Variants in TMC7 observed in about 807,000 individuals in gnomAD.
TMC7 encodes transmembrane channel-like protein 7.
TMC7 carries 54 observed loss-of-function variants against 82.9 expected under a neutral mutation model. That is an observed-to-expected ratio of 0.65 (90% CI 0.52 to 0.82). The LOEUF (loss-of-function observed/expected upper bound fraction) is 0.82, where lower values mean the gene tolerates loss of function less well. Among genes scored for constraint, TMC7 ranks in the 40% least tolerant of loss-of-function variants. The pLI is 0.00. For missense variants in TMC7, 820 were observed against 901.2 expected, an observed-to-expected ratio of 0.91 and a Z score of 1.15; for synonymous variants, 350 against 337.9, an observed-to-expected ratio of 1.04 and a Z score of -0.39.
At chr16:18,986,904 A>T (rs544085763) in intron 1 of TMC7, among the ~76,000 whole-genome samples, 108 of 151,480 alleles carry the variant, frequency 7.1e-4, no homozygotes, top group Non-Finnish European at 1.4e-3. Flanking sequence ...TCCCGGGTTC[A>T]TGCCATTCTC....
At chr16:19,050,292 G>A (rs913446986) in intron 12 of TMC7, among the ~76,000 whole-genome samples, 30 of 141,014 alleles carry the variant, frequency 2.1e-4, no homozygotes, top group African/African-American at 7.2e-4. Flanking sequence ...GCATGAATCC[G>A]GGAGGCGGAG....
rs1961554640 is a variant in TMC7 at position 19,051,827 on chromosome 16, C to T, written c.1871+11C>T. 3.1e-6 allele frequency: 5 copies of T among 1,613,546 alleles called. No homozygotes were observed. The East Asian group carries it at 1.1e-4, about 36-fold the overall frequency. On this transcript the variant is annotated intron_variant, in intron 13 of 15. Coordinates refer to ENST00000304381, the MANE Select transcript of TMC7 (RefSeq NM_024847.4). ...AATCAGCATATCACGGTAAATGTGA[C>T]TTTGTTTTCTAGAACATTTCATTGC...
At chr16:19,007,358 C>G (rs953946922) in intron 1 of TMC7, among the ~76,000 whole-genome samples, 1 of 152,166 alleles carries the variant, frequency 6.6e-6, no homozygotes, top group Admixed American at 6.6e-5. Context: ...TTGGTTAAAG[C>G]AAGCACAGGT....
chr16:19,045,218 C>T, intron 10 of TMC7, 123 bp from the exon 11 acceptor site: 3 of 887,230 alleles, frequency 3.4e-6, no homozygotes, highest in Non-Finnish European at 5.5e-6. Flanking sequence ...TTTGCATCAG[C>T]TGATGCCCTC....
rs1343681974 is a variant in TMC7 at position 19,044,966 on chromosome 16, T to C, written c.1420T>C (p.Cys474Arg). ...SKITSCDDDT[C>R]DLCGYNQKLY... ...GATCACATCCTGTGATGATGACACA[T>C]GTGACCTTTGCGGCTACAACCAGAA... Residue 474 changes from cysteine to arginine, a missense_variant, in exon 10 of 16, where the codon TGT (cysteine) becomes CGT (arginine). By Grantham distance (180) the Cys-to-Arg change is radical (BLOSUM62 -3). Around this residue, in one of 2 missense-constraint regions of TMC7, gnomAD observed 650 missense variants for 669.9 expected, o/e 0.97. Transcript: ENST00000304381. 2.5e-6 allele frequency: 4 copies of C among 1,613,920 alleles called. No homozygotes were observed. The highest frequency in any genetic ancestry group is 3.4e-6 in the Non-Finnish European group (4 of 1,179,982).
intron 1 of TMC7, among the ~76,000 whole-genome samples, chr16:19,008,651 G>A (rs1418941697): frequency 1.3e-5 from 2 of 152,184 alleles, no homozygotes; most frequent in Non-Finnish European, 2.9e-5. Flanking sequence ...GGCCAGCCCA[G>A]ATCCCATGAA....
At chr16:18,987,034 T>C (rs1341931441) in intron 1 of TMC7, among the ~76,000 whole-genome samples, 1 of 152,152 alleles carries the variant, frequency 6.6e-6, no homozygotes, top group African/African-American at 2.4e-5. Context: ...CTCGATCTCC[T>C]GACCTCGTGA....
intron 1 of TMC7, among the ~76,000 whole-genome samples, chr16:18,997,366 G>A (rs933136728): frequency 1.3e-5 from 2 of 151,892 alleles, no homozygotes; most frequent in African/African-American, 4.8e-5. Context: ...ATGAGCCACC[G>A]TGCCTGGCCT....
At chr16:19,039,610 G>T (rs545254035) in intron 8 of TMC7, among the ~76,000 whole-genome samples, 1 of 152,168 alleles carries the variant, frequency 6.6e-6, no homozygotes, top group Non-Finnish European at 1.5e-5. Context: ...TTTTATTGCG[G>T]ATGGCTATAT....
chr16:19,011,377 G>A (rs1468296872), intron 2 of TMC7, among the ~76,000 whole-genome samples: 2 of 151,996 alleles, frequency 1.3e-5, no homozygotes, highest in African/African-American at 4.8e-5. Context: ...TAGCATAAAT[G>A]CATTAGAAAG....
chr16:19,002,516 C>T (rs749681315), intron 1 of TMC7, among the ~76,000 whole-genome samples: 14 of 151,880 alleles, frequency 9.2e-5, no homozygotes, highest in Non-Finnish European at 1.9e-4. Context: ...GGATTACAGG[C>T]GTGAGCCACA....
In TMC7 at chr16:19,062,092, A is replaced by T. The variant is rs1343560158; in HGVS notation, c.*249A>T. ...GGCCACTCTGTGACAACTCTACCAA[A>T]AACCAACAAGCCATTCAAGCTTTTA... On this transcript the variant is annotated 3_prime_UTR_variant, in exon 16 of 16. Coordinates refer to ENST00000304381, the MANE Select transcript of TMC7 (RefSeq NM_024847.4). 3 of 411,184 alleles carry T rather than the reference A, an allele frequency of 7.3e-6. No homozygotes were observed. Among genetic ancestry groups the T allele is most frequent in the Non-Finnish European group, 1.3e-5 (3 of 232,222 alleles). The allele number at this position is 411,184 out of a possible 1,614,324, so 25.5% of individuals were successfully genotyped here. A position where few individuals can be genotyped will look rare whatever the true frequency, so the allele number is the denominator to read the frequency against.
intron 6 of TMC7, among the ~76,000 whole-genome samples, chr16:19,030,764 A>C (rs1960480184): frequency 6.6e-6 from 1 of 151,512 alleles, no homozygotes; most frequent in African/African-American, 2.4e-5. Flanking sequence ...TTTTTAGTAG[A>C]GTTTCACCAT....
At chr16:18,984,324 C>G in intron 1 of TMC7, 194 bp downstream of exon 1, 1 of 1,305,604 alleles carries the variant, frequency 7.7e-7, no homozygotes, top group Non-Finnish European at 9.7e-7. Context: ...GCGTCCTCAT[C>G]CAATCCAGTG....
chr16:18,992,538 T>G (rs555389331), intron 1 of TMC7, among the ~76,000 whole-genome samples: 23 of 152,314 alleles, frequency 1.5e-4, no homozygotes, highest in African/African-American at 5.3e-4. Context: ...TTTCTCCCAT[T>G]CTGTAGGTTG....
chr16:19,007,406 A>G (rs1158459233), intron 1 of TMC7, among the ~76,000 whole-genome samples: 5 of 152,224 alleles, frequency 3.3e-5, no homozygotes, highest in Non-Finnish European at 5.9e-5. Flanking sequence ...GCAGAGGGCC[A>G]GGCCAGTGTG....
chr16:19,044,150 G>A (rs1961150083), intron 9 of TMC7, among the ~76,000 whole-genome samples: 1 of 152,124 alleles, frequency 6.6e-6, no homozygotes, highest in Non-Finnish European at 1.5e-5. Flanking sequence ...TTACAGGCAT[G>A]AGCCACCACG....
intron 1 of TMC7, among the ~76,000 whole-genome samples, chr16:19,006,708 G>C: frequency 6.6e-6 from 1 of 152,224 alleles, no homozygotes; most frequent in East Asian, 1.9e-4. Flanking sequence ...CAGGGCACGG[G>C]GGAGCCCGCT....
intron 6 of TMC7, among the ~76,000 whole-genome samples, chr16:19,034,013 T>C (rs1960630896): frequency 1.3e-5 from 2 of 152,220 alleles, no homozygotes; most frequent in South Asian, 2.1e-4. Flanking sequence ...TCTGGTGTTT[T>C]ATACCAAGTG....
Sources: gnomAD v4.1 joint callset for allele counts (sites outside exome capture counted in the v4.1 genomes callset) on GRCh38, gnomAD v4.1.1 for gene constraint, gnomAD v4.1.1 regional missense constraint, MANE v1.5 for transcripts, NCBI Gene and HGNC (gene_info 2026-07-23, HGNC 2026-07-21) for gene names.